The following AGBL4 variants were observed in gnomAD, a reference collection of about 807,000 sequenced individuals.
AGBL4 encodes the protein AGBL carboxypeptidase 4.
A neutral mutation model predicts 66.4 loss-of-function variants in AGBL4; 58 were observed. The observed-to-expected ratio is 0.87, with a 90% CI of 0.71 to 1.09. The LOEUF (loss-of-function observed/expected upper bound fraction) is 1.09. Among genes scored for constraint, AGBL4 ranks in the 50% least tolerant of loss-of-function variants. The pLI, the probability that AGBL4 is intolerant of heterozygous loss-of-function variation, is 0.00. For missense variants in AGBL4, 579 were observed against 631.0 expected (o/e 0.92, Z 0.88); for synonymous variants, 234 against 222.9 (o/e 1.05, Z -0.44).
chr1:48,747,995 C>T (rs181977528), intron 6 of AGBL4, among the ~76,000 whole-genome samples: 17 of 152,202 alleles, frequency 1.1e-4, no homozygotes, highest in African/African-American at 3.9e-4. Context: ...TTCTCTGTTA[C>T]AAGTACCATC....
At chr1:48,955,217 T>A (rs1375083293) in intron 5 of AGBL4, among the ~76,000 whole-genome samples, 1 of 152,166 alleles carries the variant, frequency 6.6e-6, no homozygotes, top group Non-Finnish European at 1.5e-5. Context: ...ATGAAAAACG[T>A]CTGAGTTGGG....
chr1:49,933,442 A>G (rs1244296063), intron 1 of AGBL4, among the ~76,000 whole-genome samples: 1 of 152,178 alleles, frequency 6.6e-6, no homozygotes. Flanking sequence ...CTAAACAGCA[A>G]CACAAAAGCA....
chr1:49,986,422 T>C (rs893093711), intron 1 of AGBL4, among the ~76,000 whole-genome samples: 1 of 152,132 alleles, frequency 6.6e-6, no homozygotes, highest in African/African-American at 2.4e-5. Context: ...TGTTGACTGT[T>C]ATGTGGGTTA....
At chr1:49,118,204 T>G (rs1184289559) in intron 4 of AGBL4, among the ~76,000 whole-genome samples, 1 of 152,202 alleles carries the variant, frequency 6.6e-6, no homozygotes, top group Non-Finnish European at 1.5e-5. Context: ...TGCATACCCT[T>G]TATTTCTCTC....
chr1:49,245,533 C>T (rs748654028), intron 4 of AGBL4, among the ~76,000 whole-genome samples: 2 of 151,876 alleles, frequency 1.3e-5, no homozygotes, highest in African/African-American at 2.4e-5. Flanking sequence ...ATGTTTCCAA[C>T]ATTCTCAAGA....
chr1:49,956,618 AAC>A (rs1285560742), intron 1 of AGBL4, among the ~76,000 whole-genome samples: 9 of 151,940 alleles, frequency 5.9e-5, no homozygotes, highest in Non-Finnish European at 1.3e-4. Flanking sequence ...TTATTGGTAA[AAC>A]AATCTTTATC....
intron 6 of AGBL4, among the ~76,000 whole-genome samples, chr1:48,685,815 C>A (rs1646522120): frequency 6.6e-6 from 1 of 152,136 alleles, no homozygotes; most frequent in Admixed American, 6.5e-5. Context: ...ATCTACCTCC[C>A]ATGAAGTCAG....
intron 3 of AGBL4, among the ~76,000 whole-genome samples, chr1:49,613,200 A>T (rs1313216667): frequency 6.6e-6 from 1 of 152,034 alleles, no homozygotes; most frequent in African/African-American, 2.4e-5. Context: ...GGACACAAAG[A>T]TGGGAACAAC....
intron 4 of AGBL4, among the ~76,000 whole-genome samples, chr1:49,191,923 A>T (rs1320359707): frequency 1.3e-5 from 2 of 152,196 alleles, no homozygotes; most frequent in East Asian, 3.9e-4. Flanking sequence ...CAGTGAACAT[A>T]TGCATGCACA....
chr1:49,288,336 C>T (rs1273767050), intron 3 of AGBL4, among the ~76,000 whole-genome samples: 2 of 149,580 alleles, frequency 1.3e-5, no homozygotes, highest in Admixed American at 6.7e-5. Flanking sequence ...GCACAATGTG[C>T]ACATGTACCC....
intron 5 of AGBL4, among the ~76,000 whole-genome samples, chr1:49,044,833 C>G (rs2149055977): frequency 6.6e-6 from 1 of 152,260 alleles, no homozygotes; most frequent in Non-Finnish European, 1.5e-5. Flanking sequence ...CTGGAAAAGG[C>G]AGGGAAATAA....
At chr1:49,473,158 G>A (rs1646779804) in intron 3 of AGBL4, among the ~76,000 whole-genome samples, 2 of 151,772 alleles carry the variant, frequency 1.3e-5, no homozygotes, top group Non-Finnish European at 2.9e-5. Flanking sequence ...TTTTCCTTTG[G>A]GTATATACCC....
At chr1:49,429,212 C>A (rs1419078057) in intron 3 of AGBL4, among the ~76,000 whole-genome samples, 2 of 152,112 alleles carry the variant, frequency 1.3e-5, no homozygotes, top group Non-Finnish European at 2.9e-5. Context: ...TATACAGTGT[C>A]CATAACAGCT....
At chr1:48,618,921 T>G (rs1191317494) in intron 9 of AGBL4, among the ~76,000 whole-genome samples, 1 of 151,464 alleles carries the variant, frequency 6.6e-6, no homozygotes, top group Non-Finnish European at 1.5e-5. Context: ...ATTTTTGTGC[T>G]TAAAAGATGT....
intron 4 of AGBL4, among the ~76,000 whole-genome samples, chr1:49,137,084 T>C (rs1421245029): frequency 6.6e-6 from 1 of 152,194 alleles, no homozygotes; most frequent in African/African-American, 2.4e-5. Context: ...TAACTTGATA[T>C]GTATCCAGCA....
At chr1:48,748,904 G>GA (rs922524789) in intron 6 of AGBL4, among the ~76,000 whole-genome samples, 1 of 152,020 alleles carries the variant, frequency 6.6e-6, no homozygotes, top group Non-Finnish European at 1.5e-5. Context: ...AGAGGCAGGA[G>GA]AAAAAAATTC....
intron 3 of AGBL4, among the ~76,000 whole-genome samples, chr1:49,607,338 C>T (rs1438545393): frequency 1.3e-5 from 2 of 152,122 alleles, no homozygotes; most frequent in Non-Finnish European, 2.9e-5. Flanking sequence ...GAATTCAAGC[C>T]TCAGTCTTCC....
At position 49,391,653 on chromosome 1, in the gene AGBL4, C is replaced by T. The variant is rs113980409; in HGVS notation, c.283-145789G>A. ...CTCTGCTCACTGCAAGCTCCGCCTC[C>T]CGGGTTCACACCATTCTCCTGCCTC... is the stretch of plus-strand genomic sequence containing the variant. On this transcript the variant is annotated intron_variant, in intron 3 of 13. Transcript: ENST00000371839. 2.6e-5 allele frequency among the ~76,000 whole-genome samples: 4 copies of T among 151,490 alleles called. No individual in the cohort carries two copies. In the East Asian group the frequency reaches 7.8e-4, roughly 30 times the overall value.
intron 2 of AGBL4, chr1:49,842,465 T>C: frequency 1.1e-6 from 1 of 934,742 alleles, no homozygotes; most frequent in South Asian, 3.8e-5. Context: ...ATGTGCTCTC[T>C]AATTCTTCAG....
Sources: gnomAD v4.1 joint callset for allele counts (sites outside exome capture counted in the v4.1 genomes callset) on GRCh38, gnomAD v4.1.1 for gene constraint, MANE v1.5 for transcripts, NCBI Gene and HGNC (gene_info 2026-07-23, HGNC 2026-07-21) for gene names.